Variants in ARGFX observed in about 807,000 individuals in gnomAD.
ARGFX encodes the protein arginine-fifty homeobox.
Under a neutral mutation model 8.0 loss-of-function variants are expected in ARGFX, and 10 were observed. The ratio of observed to expected loss-of-function variants is 1.25; its 90% confidence interval spans 0.77 to 2.12. The LOEUF (loss-of-function observed/expected upper bound fraction) is 2.12, where lower values mean the gene tolerates loss of function less well. ARGFX is among the 30% of genes most tolerant of loss of function. The pLI is 0.00. For synonymous variants in ARGFX, 116 were observed against 117.8 expected (o/e 0.98, Z 0.10); for missense variants, 282 against 324.3 (o/e 0.87, Z 1.00).
rs986079716 is a variant in ARGFX at position 121,585,028 on chromosome 3, T to C, written c.332T>C (p.Leu111Pro). Reference sequence around the variant, plus strand: ...CCAGATAGAAATCTTCAGGAGAAACTAGCTTTGAGACTCGACCTACCGGAG... The same window carrying C: ...CCAGATAGAAATCTTCAGGAGAAACCAGCTTTGAGACTCGACCTACCGGAG... ...MFPDRNLQEK[L>P]ALRLDLPEST... Residue 111 changes from leucine (L) to proline (P), a missense_variant, in exon 4 of 5, where the codon CTA (leucine) becomes CCA (proline). Transcript: ENST00000334384. 1.2e-6 allele frequency: 2 copies of C among 1,613,986 alleles called. No homozygotes were observed. Among genetic ancestry groups the C allele is most frequent in the Admixed American group, 1.7e-5 (1 of 60,004 alleles).
intron 3 of ARGFX, 38 bp downstream of exon 3, chr3:121,576,938 T>C: frequency 3.7e-6 from 1 of 272,250 alleles, no homozygotes; most frequent in Non-Finnish European, 7.3e-6. Flanking sequence ...GAGACGAGAT[T>C]TCACCATGTG....
rs775834260 is a variant in ARGFX at position 121,588,101 on chromosome 3, A to G, written c.*1501A>G. Among the ~76,000 whole-genome samples the G allele has an allele frequency of 2.6e-5, 4 of 152,028 alleles. No homozygotes were observed. The highest frequency in any genetic ancestry group is 4.8e-5 in the African/African-American group (2 of 41,426). On this transcript the variant is annotated 3_prime_UTR_variant, in exon 5 of 5. Coordinates refer to ENST00000334384, the MANE Select transcript of ARGFX (RefSeq NM_001012659.2). ...CAAAATAAAGAGTCAAACTTTTAGAATGACAAGTTAGCATATTTTCCAGCC... is the reference window on the plus strand; with the variant it reads ...CAAAATAAAGAGTCAAACTTTTAGAGTGACAAGTTAGCATATTTTCCAGCC...
At chr3:121,582,040 A>G (rs2108838187) in intron 3 of ARGFX, among the ~76,000 whole-genome samples, 1 of 152,288 alleles carries the variant, frequency 6.6e-6, no homozygotes, top group Non-Finnish European at 1.5e-5. Context: ...GATGGTTTCA[A>G]TTTTGTACTA....
chr3:121,577,315 G>A (rs567236404), intron 3 of ARGFX, among the ~76,000 whole-genome samples: 8 of 139,152 alleles, frequency 5.7e-5, no homozygotes, highest in South Asian at 2.3e-4. Flanking sequence ...GTGCAGTGGC[G>A]TGGTCTTGGC....
In ARGFX at chr3:121,588,165, CCAGT is replaced by C. The variant is rs1476963776; in HGVS notation, c.*1566_*1569del. On this transcript the variant is annotated 3_prime_UTR_variant, in exon 5 of 5. Coordinates refer to ENST00000334384, the MANE Select transcript of ARGFX (RefSeq NM_001012659.2). Reference sequence around the variant, plus strand: ...ACAAAATTAATACCATTTCTGAACACCAGTAATAAAGAAACATAAGGGCTGGGGG... The same window carrying C: ...ACAAAATTAATACCATTTCTGAACACAATAAAGAAACATAAGGGCTGGGGG... Among the ~76,000 whole-genome samples, 2 of 151,740 alleles carry C rather than the reference CCAGT, an allele frequency of 1.3e-5. No homozygotes were observed. Among genetic ancestry groups the C allele is most frequent in the African/African-American group, 4.8e-5 (2 of 41,344 alleles).
intron 3 of ARGFX, among the ~76,000 whole-genome samples, chr3:121,577,129 T>A (rs2048743109): frequency 7.1e-6 from 1 of 141,818 alleles, no homozygotes; most frequent in African/African-American, 2.6e-5. Context: ...TGTAGTCTAC[T>A]CTCTATATAT....
chr3:121,586,139 C>A lies in ARGFX; in HGVS notation c.487C>A (p.Pro163Thr). ...KNVPTSPRTS[P>T]SPYAFSPVIS... ...TGTGCCCACCTCCCCCAGAACATCC[C>A]CCAGTCCTTATGCTTTTTCTCCTGT... Residue 163 changes from proline (P) to threonine (T), a missense_variant, in exon 5 of 5, where the codon CCC (proline) becomes ACC (threonine). Pro to Thr is a conservative substitution (Grantham distance 38). Coordinates refer to ENST00000334384, the MANE Select transcript of ARGFX (RefSeq NM_001012659.2). 3 of 1,614,018 alleles carry A rather than the reference C, an allele frequency of 1.9e-6. No individual in the cohort carries two copies. Among genetic ancestry groups the A allele is most frequent in the Middle Eastern group, 1.7e-4 (1 of 6,056 alleles).
At position 121,567,974 on chromosome 3, in the gene ARGFX, G is replaced by T. The variant is rs375210747; in HGVS notation, c.-52G>T. 2.0e-5 allele frequency among the ~76,000 whole-genome samples: 3 copies of T among 152,076 alleles called. No homozygotes were observed. Among genetic ancestry groups the T allele is most frequent in the Admixed American group, 6.6e-5 (1 of 15,256 alleles). ...GCATTTCCAGAGAGAGACACACCAC[G>T]TAGGACTGAAAATGGTTACTCTAAG... On this transcript the variant is annotated 5_prime_UTR_variant, in exon 1 of 5. Coordinates refer to ENST00000334384, the MANE Select transcript of ARGFX (RefSeq NM_001012659.2).
Position 121,572,236 on chromosome 3 carries a change from G to GT in ARGFX, c.103+1441dup, listed in dbSNP as rs35928051. 3.8e-3 allele frequency among the ~76,000 whole-genome samples: 485 copies of GT among 128,070 alleles called. 6 individuals carry two copies. Among genetic ancestry groups the GT allele is most frequent in the African/African-American group, 0.013 (432 of 32,042 alleles). 84.0% of individuals were successfully genotyped at this position (128,070 alleles called of 152,430 possible). On this transcript the variant is annotated intron_variant, in intron 2 of 4. Coordinates refer to ENST00000334384, the MANE Select transcript of ARGFX (RefSeq NM_001012659.2). The stretch of plus-strand genomic sequence containing the variant: ...CTTTAATATTTTTATTATTATTGTT[G>GT]TTTTTTTTTTTTTTTTTTTTTAAAG...
rs926252390 is a variant in ARGFX at position 121,589,421 on chromosome 3, C to T, written c.*2821C>T. On this transcript the variant is annotated 3_prime_UTR_variant, in exon 5 of 5. Coordinates refer to ENST00000334384, the MANE Select transcript of ARGFX (RefSeq NM_001012659.2). ...ACTTTTTTATTGAGATGGAGTCTTG[C>T]TCTGTCACCCAGGCCGTGCAATCTC... Among the ~76,000 whole-genome samples the T allele has an allele frequency of 2.0e-5, 3 of 152,042 alleles. No individual in the cohort carries two copies. The highest frequency in any genetic ancestry group is 4.8e-5 in the African/African-American group (2 of 41,400).
At chr3:121,572,698 A>G (rs2048716087) in intron 2 of ARGFX, among the ~76,000 whole-genome samples, 1 of 152,222 alleles carries the variant, frequency 6.6e-6, no homozygotes, top group South Asian at 2.1e-4. Flanking sequence ...AATAGCCAAA[A>G]TAATGTTGAA....
intron 3 of ARGFX, 41 bp downstream of exon 3, chr3:121,576,941 A>C (rs1273231690): frequency 3.7e-6 from 1 of 270,356 alleles, no homozygotes; most frequent in Non-Finnish European, 7.4e-6. Flanking sequence ...ACGAGATTTC[A>C]CCATGTGGTC....
At chr3:121,584,771 C>G (rs2048801334) in intron 3 of ARGFX, 146 bp from the exon 4 acceptor site, 1 of 896,622 alleles carries the variant, frequency 1.1e-6, no homozygotes, top group African/African-American at 1.7e-5. Context: ...GACCTGGGAT[C>G]TGCATTTTCT....
At chr3:121,584,149 G>C (rs2048796491) in intron 3 of ARGFX, among the ~76,000 whole-genome samples, 1 of 150,392 alleles carries the variant, frequency 6.6e-6, no homozygotes, top group Admixed American at 6.8e-5. Context: ...ACAGCATTCA[G>C]CCTGGGCAAT....
chr3:121,576,707 T>TTTCTTTCTTTCTTTCTTTCTTTCTTTC (rs1553834276), intron 2 of ARGFX, 77 bp from the exon 3 acceptor site: 5 of 246,626 alleles, frequency 2.0e-5, no homozygotes, highest in African/African-American at 1.3e-4. Context: ...CTTTCTTTCT[T>TTTCTTTCTTTCTTTCTTTCTTTCTTTC]TTTCTTTCTT....
In ARGFX at chr3:121,586,107, A is replaced by G. The variant is rs777934170; in HGVS notation, c.455A>G (p.Lys152Arg). 2.5e-6 allele frequency: 4 copies of G among 1,610,020 alleles called. No individual in the cohort carries two copies. The highest frequency in any genetic ancestry group is 1.1e-5 in the South Asian group (1 of 90,254). The change falls in exon 5 of 5, where the codon AAG becomes AGG. Residue 152 changes from lysine to arginine, a missense_variant. Transcript: ENST00000334384. ...AKQRNQILPSKKNVPTSPRTS... is the reference protein window; with the variant it reads ...AKQRNQILPSRKNVPTSPRTS... ...CAACGAAACCAGATCCTTCCATCCAAGAAGAATGTGCCCACCTCCCCCAGA... is the reference window on the plus strand; with the variant it reads ...CAACGAAACCAGATCCTTCCATCCAGGAAGAATGTGCCCACCTCCCCCAGA...
Position 121,586,751 on chromosome 3 carries a change from G to GTGCCC in ARGFX, c.*151_*152insTGCCC. ...TGTTGCAAAAAGAGTTTTCCAAGTA[G>GTGCCC]AGCTGGGCACTACGTAATCAGCCCC... On this transcript the variant is annotated 3_prime_UTR_variant, in exon 5 of 5. Transcript: ENST00000334384. 2.8e-6 allele frequency: 2 copies of GTGCCC among 712,582 alleles called. No individual in the cohort carries two copies. Among genetic ancestry groups the GTGCCC allele is most frequent in the Non-Finnish European group, 4.5e-6 (2 of 442,642 alleles). The allele number at this position is 712,582 out of a possible 1,614,324, so 44.1% of individuals were successfully genotyped here. A position where few individuals can be genotyped will look rare whatever the true frequency, so the allele number is the denominator to read the frequency against.
At chr3:121,584,268 A>AAGGAAGGAAGGG (rs1560122481) in intron 3 of ARGFX, among the ~76,000 whole-genome samples, 21 of 150,660 alleles carry the variant, frequency 1.4e-4, no homozygotes, top group Non-Finnish European at 3.0e-4. Context: ...GGAAGGAAGG[A>AAGGAAGGAAGGG]AAGAAAAGAA....
intron 2 of ARGFX, among the ~76,000 whole-genome samples, chr3:121,574,563 A>G (rs1320274396): frequency 1.3e-5 from 2 of 152,328 alleles, no homozygotes; most frequent in Admixed American, 1.3e-4. Flanking sequence ...TCATGCTCCT[A>G]TGAGAATCTA....
Sources: gnomAD v4.1 joint callset for allele counts (sites outside exome capture counted in the v4.1 genomes callset) on GRCh38, gnomAD v4.1.1 for gene constraint, MANE v1.5 for transcripts, NCBI Gene and HGNC (gene_info 2026-07-23, HGNC 2026-07-21) for gene names.